FAM13B: variants seen among roughly 807,000 people sequenced by gnomAD.
FAM13B encodes protein FAM13B.
A neutral mutation model predicts 117.3 loss-of-function variants in FAM13B; 60 were observed. The observed-to-expected ratio is 0.51, with a 90% CI of 0.42 to 0.63. The LOEUF (loss-of-function observed/expected upper bound fraction) is 0.63, where lower values mean the gene tolerates loss of function less well. Among genes scored for constraint, FAM13B ranks in the 30% least tolerant of loss-of-function variants. The probability of loss-of-function intolerance (pLI) is 0.00; values close to 1 mark genes in which losing one functional copy is unlikely to be tolerated. For synonymous variants in FAM13B, 332 were observed against 356.1 expected (o/e 0.93, Z 0.76); for missense variants, 972 against 1,091.9 (o/e 0.89, Z 1.55).
chr5:137,983,011 T>G (rs950134806), intron 10 of FAM13B, among the ~76,000 whole-genome samples: 2 of 151,836 alleles, frequency 1.3e-5, no homozygotes, highest in Non-Finnish European at 2.9e-5. Flanking sequence ...TGGGAATCAG[T>G]AGCACATAGA....
intron 1 of FAM13B, among the ~76,000 whole-genome samples, chr5:138,042,823 G>A (rs185157557): frequency 2.6e-5 from 4 of 152,290 alleles, no homozygotes; most frequent in Admixed American, 2.0e-4. Flanking sequence ...CAGGCGCGGT[G>A]GGTCATGCCT....
At chr5:137,951,063 A>G (rs976529646) in intron 17 of FAM13B, among the ~76,000 whole-genome samples, 1 of 152,052 alleles carries the variant, frequency 6.6e-6, no homozygotes, top group African/African-American at 2.4e-5. Context: ...CAAAAAAATT[A>G]GCTGGGCATG....
Position 137,983,213 on chromosome 5 carries a change from A to AAAAAAAAAAAAC in FAM13B, c.1179+2043_1179+2044insGTTTTTTTTTTT, listed in dbSNP as rs1561492748. ...AAAAAAAAAAAAAAAAAAAAAAAAA[A>AAAAAAAAAAAAC]AACCGAGTGAGATATCCTGAATGCC... On this transcript the variant is annotated intron_variant, in intron 10 of 23. Transcript: ENST00000689681. Among the ~76,000 whole-genome samples the AAAAAAAAAAAAC allele has an allele frequency of 1.2e-3, 115 of 93,706 alleles. 9 individuals are homozygous for AAAAAAAAAAAAC. The highest frequency in any genetic ancestry group is 1.7e-3 in the Non-Finnish European group (73 of 43,928). 61.5% of individuals were successfully genotyped at this position (93,706 alleles called of 152,430 possible). A position where few individuals can be genotyped will look rare whatever the true frequency, so the allele number is the denominator to read the frequency against.
At chr5:137,975,980 C>CTTTTTTTTTTTTTTTTTTTTTT (rs57478594) in intron 10 of FAM13B, among the ~76,000 whole-genome samples, 3 of 110,190 alleles carry the variant, frequency 2.7e-5, no homozygotes, top group Non-Finnish European at 1.7e-5. Flanking sequence ...TCAACTCTTC[C>CTTTTTTTTTTTTTTTTTTTTTT]TTTTTTTTTT....
At chr5:137,992,255 A>T (rs1778780311) in intron 7 of FAM13B, among the ~76,000 whole-genome samples, 2 of 151,122 alleles carry the variant, frequency 1.3e-5, no homozygotes, top group South Asian at 4.2e-4. Context: ...AATTTTTAAA[A>T]CCTATTTTTA....
chr5:137,957,106 G>C (rs755429308), intron 13 of FAM13B, among the ~76,000 whole-genome samples: 1 of 152,148 alleles, frequency 6.6e-6, no homozygotes, highest in Non-Finnish European at 1.5e-5. Flanking sequence ...TATGTACTTA[G>C]GAATAGTGAC....
intron 16 of FAM13B, 21 bp downstream of exon 16, chr5:137,953,315 T>C (rs781556892): frequency 1.8e-5 from 29 of 1,612,846 alleles, no homozygotes; most frequent in Admixed American, 6.7e-5. Context: ...AAGCTCACTC[T>C]GGGGAATGCT....
At chr5:137,968,808 G>A (rs902905548) in intron 10 of FAM13B, among the ~76,000 whole-genome samples, 2 of 152,200 alleles carry the variant, frequency 1.3e-5, no homozygotes, top group Non-Finnish European at 2.9e-5. Flanking sequence ...AAGCGCAAGG[G>A]GTCAGGGAGT....
intron 10 of FAM13B, among the ~76,000 whole-genome samples, chr5:137,972,348 C>T (rs1364918109): frequency 6.6e-6 from 1 of 152,030 alleles, no homozygotes; most frequent in Non-Finnish European, 1.5e-5. Context: ...ATAAACAGAA[C>T]CAAAGACAAA....
At chr5:138,044,605 T>TA (rs1331076697) in intron 1 of FAM13B, among the ~76,000 whole-genome samples, 2 of 145,126 alleles carry the variant, frequency 1.4e-5, no homozygotes, top group Non-Finnish European at 3.0e-5. Context: ...GATTCTTAAA[T>TA]AAAACACAAC....
intron 1 of FAM13B, among the ~76,000 whole-genome samples, chr5:138,050,296 G>A (rs1791763028): frequency 6.6e-6 from 1 of 152,132 alleles, no homozygotes; most frequent in African/African-American, 2.4e-5. Context: ...AATTGGCCAG[G>A]CGTGGTGATG....
chr5:138,008,150 TACA>T (rs1303519134), intron 6 of FAM13B, among the ~76,000 whole-genome samples: 2 of 152,142 alleles, frequency 1.3e-5, no homozygotes, highest in African/African-American at 4.8e-5. Flanking sequence ...TAAAGTATAA[TACA>T]GGTTGGGTAT....
At chr5:138,012,178 G>A (rs1416872383) in intron 4 of FAM13B, among the ~76,000 whole-genome samples, 1 of 149,524 alleles carries the variant, frequency 6.7e-6, no homozygotes, top group Non-Finnish European at 1.5e-5. Flanking sequence ...ATTGCTGGAG[G>A]ATGTTTTCCT....
intron 11 of FAM13B, among the ~76,000 whole-genome samples, chr5:137,960,848 T>C (rs1198231488): frequency 1.3e-5 from 2 of 152,218 alleles, no homozygotes; most frequent in African/African-American, 4.8e-5. Context: ...GTAAGTGATC[T>C]GTACCTATTT....
chr5:137,955,658 G>C (rs1390833065), intron 14 of FAM13B, among the ~76,000 whole-genome samples: 1 of 152,104 alleles, frequency 6.6e-6, no homozygotes, highest in Non-Finnish European at 1.5e-5. Context: ...TAGAGATGGA[G>C]TCTTGCTCTG....
chr5:137,987,760 G>A, intron 8 of FAM13B, 144 bp from the exon 9 acceptor site: 5 of 671,656 alleles, frequency 7.4e-6, no homozygotes, highest in South Asian at 2.7e-5. Context: ...ATACATAAAA[G>A]GAATACATGA....
chr5:137,942,312 C>A, intron 22 of FAM13B: 1 of 418,842 alleles, frequency 2.4e-6, no homozygotes, highest in Non-Finnish European at 4.2e-6. Context: ...ACAAAAAGAT[C>A]AACTCGCAAC....
At chr5:138,009,962 G>A (rs760087382) in intron 6 of FAM13B, among the ~76,000 whole-genome samples, 2 of 152,004 alleles carry the variant, frequency 1.3e-5, no homozygotes, top group Non-Finnish European at 2.9e-5. Context: ...TTGGTACAGA[G>A]ATACTATTAT....
intron 1 of FAM13B, 91 bp from the exon 2 acceptor site, chr5:138,021,288 G>A (rs1237789104): frequency 5.0e-6 from 5 of 991,370 alleles, no homozygotes; most frequent in South Asian, 5.3e-5. Flanking sequence ...CCTCTTAAGA[G>A]GTTACCTATA....
Sources: gnomAD v4.1 joint callset for allele counts (sites outside exome capture counted in the v4.1 genomes callset) on GRCh38, gnomAD v4.1.1 for gene constraint, MANE v1.5 for transcripts, NCBI Gene and HGNC (gene_info 2026-07-23, HGNC 2026-07-21) for gene names.